The following SOX13 variants were observed in gnomAD, a reference collection of about 807,000 sequenced individuals.
SOX13 encodes the protein SRY-box transcription factor 13, also known as transcription factor SOX-13.
In SOX13, 28 loss-of-function variants were observed where a neutral mutation model predicts 71.8. That is an observed-to-expected ratio of 0.39 (90% CI 0.29 to 0.53). SOX13 has a LOEUF of 0.53. Ranked by LOEUF, SOX13 falls within the 20% of genes least tolerant of loss-of-function variation. The probability of loss-of-function intolerance (pLI) is 0.70; values close to 1 mark genes in which losing one functional copy is unlikely to be tolerated. For synonymous variants in SOX13, 309 were observed against 317.8 expected (o/e 0.97, Z 0.29); for missense variants, 627 against 810.3 (o/e 0.77, Z 2.75).
At chr1:204,103,947 T>C (rs1023978180) in intron 1 of SOX13, among the ~76,000 whole-genome samples, 10 of 152,176 alleles carry the variant, frequency 6.6e-5, no homozygotes, top group African/African-American at 2.4e-4. Flanking sequence ...GTCCCATCTG[T>C]CTCTTTCTCG....
chr1:204,079,410 A>G (rs1182870855), intron 1 of SOX13, among the ~76,000 whole-genome samples: 1 of 144,942 alleles, frequency 6.9e-6, no homozygotes, highest in Non-Finnish European at 1.5e-5. Context: ...CAGTGGTGCA[A>G]TCTTGGCTCA....
chr1:204,075,643 A>G (rs1296715132), intron 1 of SOX13, among the ~76,000 whole-genome samples: 1 of 152,092 alleles, frequency 6.6e-6, no homozygotes, highest in Non-Finnish European at 1.5e-5. Context: ...TAAGGGCCAA[A>G]TATAGCCTAG....
At chr1:204,086,390 G>A (rs897262047) in intron 1 of SOX13, among the ~76,000 whole-genome samples, 3 of 152,000 alleles carry the variant, frequency 2.0e-5, no homozygotes, top group Admixed American at 1.3e-4. Context: ...TGCAACCTCC[G>A]CCTCCCAGGT....
intron 1 of SOX13, among the ~76,000 whole-genome samples, chr1:204,100,649 G>A (rs1268000535): frequency 6.6e-6 from 1 of 152,072 alleles, no homozygotes; most frequent in Non-Finnish European, 1.5e-5. Flanking sequence ...GGGCTTGGCT[G>A]ACGATAGGGT....
rs981459818 is a variant in SOX13 at position 204,073,787 on chromosome 1, C to T, written c.-2+76C>T. On this transcript the variant is annotated intron_variant, in intron 1 of 13. Transcript: ENST00000367204. This position sits in a 1 kb window ranked among gnomAD's most constrained non-coding sequence, Gnocchi z 6.8. ...GCTCTCTGAAGTTTGACACTTGCGC[C>T]CCTACGTTTCTGGGCACCCACCGGC... 4 of 152,196 alleles carry T rather than the reference C, an allele frequency of 2.6e-5. No individual in the cohort carries two copies. The highest frequency in any genetic ancestry group is 9.7e-5 in the African/African-American group (4 of 41,424). 9.4% of individuals were successfully genotyped at this position (152,196 alleles called of 1,614,324 possible).
Position 204,123,328 on chromosome 1 carries a change from G to A in SOX13, c.1231+120G>A. The A allele has an allele frequency of 1.2e-6, 1 of 812,312 alleles. No individual in the cohort carries two copies. 50.3% of individuals were successfully genotyped at this position (812,312 alleles called of 1,614,324 possible). ...TTGGTCTGTTGGGTCCTTTCCAGGTGTGTGTGCCTCTGCTGTCCCATTATG... is the reference window on the plus strand; with the variant it reads ...TTGGTCTGTTGGGTCCTTTCCAGGTATGTGTGCCTCTGCTGTCCCATTATG... On this transcript the variant is annotated intron_variant, in intron 11 of 13. Transcript: ENST00000367204. This position sits in a 1 kb window ranked among gnomAD's most constrained non-coding sequence, Gnocchi z 5.0.
At chr1:204,079,343 ATTTT>A (rs746260553) in intron 1 of SOX13, among the ~76,000 whole-genome samples, 1 of 110,814 alleles carries the variant, frequency 9.0e-6, no homozygotes, top group Non-Finnish European at 1.8e-5. Context: ...AGCATAGAAC[ATTTT>A]TTTTTTTTTT....
rs753836703 is a variant in SOX13, at chr1:204,121,931, C to G, written c.807C>G (p.Pro269=). The G allele has an allele frequency of 5.0e-6, 8 of 1,613,066 alleles. No individual in the cohort carries two copies. The South Asian group carries it at 8.8e-5, about 18-fold the overall frequency. The part of the protein sequence containing the change: ...VEYPLQLLHS[P]PAPVVKRPGA... The stretch of plus-strand genomic sequence containing the variant: ...ATCCGCTGCAGCTGCTGCACAGCCC[C>G]CCTGCCCCAGTGGTGAAGAGGCCTG... The change falls in exon 8 of 14, where the codon CCC becomes CCG. Residue 269 remains proline, a synonymous_variant. Transcript: ENST00000367204.
chr1:204,093,889 C>T (rs981324747), intron 1 of SOX13, among the ~76,000 whole-genome samples: 4 of 152,174 alleles, frequency 2.6e-5, no homozygotes, highest in Non-Finnish European at 5.9e-5. Context: ...TGGGCTACAA[C>T]TCGAACATGG....
rs919735514 is a variant in SOX13 at position 204,100,638 on chromosome 1, C to T, written c.-1-12277C>T. 4.6e-5 allele frequency among the ~76,000 whole-genome samples: 7 copies of T among 152,124 alleles called. No homozygotes were observed. In the East Asian group the frequency reaches 9.6e-4, roughly 21 times the overall value. On this transcript the variant is annotated intron_variant, in intron 1 of 13. Coordinates refer to ENST00000367204, the MANE Select transcript of SOX13 (RefSeq NM_005686.3). ...CGAAAAAGAAAACTTGCTTTAGTGG[C>T]GGGCTTGGCTGACGATAGGGTAGAT...
At position 204,073,765 on chromosome 1, in the gene SOX13, C is replaced by T. The variant is rs1392644398; in HGVS notation, c.-2+54C>T. The T allele has an allele frequency of 6.6e-6, 1 of 152,360 alleles. No individual in the cohort carries two copies. The highest frequency in any genetic ancestry group is 1.5e-5 in the Non-Finnish European group (1 of 68,182). The allele number at this position is 152,360 out of a possible 1,614,324, so 9.4% of individuals were successfully genotyped here. A position where few individuals can be genotyped will look rare whatever the true frequency, so the allele number is the denominator to read the frequency against. Reference sequence around the variant, plus strand: ...CGCCGTCGCGCCCATTTCCCCAGCTCTCTGAAGTTTGACACTTGCGCCCCT... The same window carrying T: ...CGCCGTCGCGCCCATTTCCCCAGCTTTCTGAAGTTTGACACTTGCGCCCCT... On this transcript the variant is annotated intron_variant, in intron 1 of 13. Transcript: ENST00000367204. This position sits in a 1 kb window ranked among gnomAD's most constrained non-coding sequence, Gnocchi z 6.8.
intron 4 of SOX13, among the ~76,000 whole-genome samples, chr1:204,115,724 T>G (rs1656679546): frequency 7.4e-6 from 1 of 135,446 alleles, no homozygotes; most frequent in Admixed American, 8.6e-5. Context: ...TGGAGCGTAG[T>G]GGTGTGATTT....
chr1:204,121,294 TTAA>T lies in SOX13; in HGVS notation c.776-600_776-598del, dbSNP rs769862774. 9.2e-5 allele frequency among the ~76,000 whole-genome samples: 14 copies of T among 152,146 alleles called. 1 individual carries two copies. The highest frequency in any genetic ancestry group is 5.9e-4 in the Admixed American group (9 of 15,262). On this transcript the variant is annotated intron_variant, in intron 7 of 13. Transcript: ENST00000367204. ...AAGCCACCACGCCTGGCTTCAATTCTTAATAATAGAGATGGGGGTCTTGCTATG... is the reference window on the plus strand; with the variant it reads ...AAGCCACCACGCCTGGCTTCAATTCTTAATAGAGATGGGGGTCTTGCTATG...
chr1:204,088,532 C>T (rs1227625321), intron 1 of SOX13, among the ~76,000 whole-genome samples: 2 of 152,202 alleles, frequency 1.3e-5, no homozygotes, highest in African/African-American at 4.8e-5. Context: ...GCCTTTTACT[C>T]TTGTTCTTTC....
chr1:204,095,845 C>T (rs1200545939), intron 1 of SOX13, among the ~76,000 whole-genome samples: 1 of 152,186 alleles, frequency 6.6e-6, no homozygotes, highest in Non-Finnish European at 1.5e-5. Flanking sequence ...CTCACTCCAG[C>T]CCTGTAACTC....
At chr1:204,116,759 A>G (rs1656702727) in intron 5 of SOX13, 80 bp downstream of exon 5, 2 of 1,565,944 alleles carry the variant, frequency 1.3e-6, no homozygotes, top group South Asian at 1.2e-5. Context: ...CCTTAGGGAC[A>G]GGCCTCACCA....
chr1:204,113,095 C>T lies in SOX13; in HGVS notation c.180C>T (p.Asp60=), dbSNP rs753784342. The T allele has an allele frequency of 3.3e-5, 52 of 1,585,302 alleles. No homozygotes were observed. Among genetic ancestry groups the T allele is most frequent in the Non-Finnish European group, 4.5e-5 (52 of 1,166,688 alleles). ...DPARASQDSA[D]PQAPAQGNFR... ...CCCGGGCCTCCCAGGATAGTGCTGA[C>T]CCCCAAGCTCCAGCCCAGGGGAATT... The change falls in exon 2 of 14, where the codon GAC becomes GAT. Residue 60 remains aspartate, a synonymous_variant. Coordinates refer to ENST00000367204, the MANE Select transcript of SOX13 (RefSeq NM_005686.3).
At chr1:204,075,078 C>T (rs1655757091) in intron 1 of SOX13, among the ~76,000 whole-genome samples, 1 of 152,208 alleles carries the variant, frequency 6.6e-6, no homozygotes, top group African/African-American at 2.4e-5. Flanking sequence ...GAGTTCATGC[C>T]TTCCAAACCA....
chr1:204,082,427 G>A (rs534947023), intron 1 of SOX13, among the ~76,000 whole-genome samples: 1 of 152,204 alleles, frequency 6.6e-6, no homozygotes, highest in South Asian at 2.1e-4. Context: ...GGAAGAGTCA[G>A]AACAGCCAGC....
Sources: gnomAD v4.1 joint callset for allele counts (sites outside exome capture counted in the v4.1 genomes callset) on GRCh38, gnomAD v4.1.1 for gene constraint, Gnocchi (gnomAD v3.1) non-coding constraint, MANE v1.5 for transcripts, NCBI Gene and HGNC (gene_info 2026-07-23, HGNC 2026-07-21) for gene names.